Variants in KCNMB2 observed in about 807,000 individuals in gnomAD.
KCNMB2 encodes calcium-activated potassium channel subunit beta-2.
In KCNMB2, 9 loss-of-function variants were observed where a neutral mutation model predicts 24.5. The ratio of observed to expected loss-of-function variants is 0.37; its 90% CI spans 0.22 to 0.64. KCNMB2 has a LOEUF of 0.64. KCNMB2 is among the 30% of genes least tolerant of loss of function. KCNMB2 has a pLI of 0.63. For missense variants in KCNMB2, 226 were observed against 284.3 expected, an observed-to-expected ratio of 0.79 and a Z score of 1.47; for synonymous variants, 109 against 104.4, an observed-to-expected ratio of 1.04 and a Z score of -0.27.
intron 1 of KCNMB2, among the ~76,000 whole-genome samples, chr3:178,582,146 T>C (rs904757467): frequency 6.6e-6 from 1 of 152,074 alleles, no homozygotes; most frequent in Non-Finnish European, 1.5e-5. Flanking sequence ...ATAAAGAAAA[T>C]GTGGCACATA....
intron 1 of KCNMB2, among the ~76,000 whole-genome samples, chr3:178,637,216 AC>A (rs1719559508): frequency 6.6e-6 from 1 of 152,126 alleles, no homozygotes; most frequent in African/African-American, 2.4e-5. Flanking sequence ...TTGAGTATGT[AC>A]CTAGTAATGG....
At chr3:178,635,782 G>A (rs1256659942) in intron 1 of KCNMB2, among the ~76,000 whole-genome samples, 1 of 152,138 alleles carries the variant, frequency 6.6e-6, no homozygotes, top group Non-Finnish European at 1.5e-5. Flanking sequence ...TTATATTTGG[G>A]CATGAAATTA....
chr3:178,757,795 T>TATATATA (rs1724191602), intron 1 of KCNMB2, among the ~76,000 whole-genome samples: 1 of 46,222 alleles, frequency 2.2e-5, no homozygotes, highest in African/African-American at 8.8e-5. Flanking sequence ...TACATATATC[T>TATATATA]TATATCCATC....
intron 3 of KCNMB2, 24 bp downstream of exon 3, chr3:178,825,782 C>A (rs1418254290): frequency 1.9e-6 from 3 of 1,578,282 alleles, no homozygotes; most frequent in Non-Finnish European, 2.6e-6. Context: ...GTGGGTGGGA[C>A]CCTGCTGTTT....
chr3:178,837,808 G>A (rs1715286643), intron 4 of KCNMB2, among the ~76,000 whole-genome samples: 1 of 152,030 alleles, frequency 6.6e-6, no homozygotes, highest in Non-Finnish European at 1.5e-5. Context: ...GTTCTCAGTG[G>A]TAGTTTATAT....
intron 1 of KCNMB2, among the ~76,000 whole-genome samples, chr3:178,608,483 A>G (rs1051925570): frequency 3.3e-5 from 5 of 152,226 alleles, no homozygotes; most frequent in African/African-American, 1.2e-4. Flanking sequence ...AAGCACAATA[A>G]TAGAGAATGG....
At chr3:178,798,921 A>G (rs576746301) in intron 1 of KCNMB2, among the ~76,000 whole-genome samples, 2 of 152,152 alleles carry the variant, frequency 1.3e-5, no homozygotes, top group East Asian at 3.9e-4. Flanking sequence ...AAAATAAACA[A>G]TGTGATGTTG....
intron 4 of KCNMB2, among the ~76,000 whole-genome samples, chr3:178,836,949 T>C (rs1715255975): frequency 6.6e-6 from 1 of 152,158 alleles, no homozygotes; most frequent in Admixed American, 6.5e-5. Flanking sequence ...AAATACCCTC[T>C]GAACACATGA....
chr3:178,807,389 C>A lies in KCNMB2; in HGVS notation c.-21C>A. ...GACATCCACCATAAGGAAAGGAGAC[C>A]CTGGACCAACATTCTCTAAGATGTT... On this transcript the variant is annotated 5_prime_UTR_variant, in exon 2 of 5. Coordinates refer to ENST00000452583, the MANE Select transcript of KCNMB2 (RefSeq NM_181361.3). The A allele has an allele frequency of 6.2e-7, 1 of 1,610,802 alleles. No individual in the cohort carries two copies.
At chr3:178,663,929 A>T (rs1432337575) in intron 1 of KCNMB2, among the ~76,000 whole-genome samples, 1 of 152,138 alleles carries the variant, frequency 6.6e-6, no homozygotes, top group Non-Finnish European at 1.5e-5. Flanking sequence ...ACTGTGGCAC[A>T]AGTTTGAAAG....
chr3:178,588,650 T>C (rs1397178371), intron 1 of KCNMB2, among the ~76,000 whole-genome samples: 2 of 152,156 alleles, frequency 1.3e-5, no homozygotes, highest in East Asian at 1.9e-4. Flanking sequence ...CATATGTATA[T>C]ATGAGTGGAT....
intron 1 of KCNMB2, among the ~76,000 whole-genome samples, chr3:178,802,141 C>T (rs1288431896): frequency 2.6e-5 from 4 of 152,152 alleles, no homozygotes; most frequent in Non-Finnish European, 5.9e-5. Context: ...GAAGCCAAAA[C>T]AACTCAGTTC....
chr3:178,807,409 G>C lies in KCNMB2; in HGVS notation c.-1G>C, dbSNP rs747577912. 6.2e-7 allele frequency: 1 copy of C among 1,613,336 alleles called. No individual in the cohort carries two copies. Among genetic ancestry groups the C allele is most frequent in the Admixed American group, 1.7e-5 (1 of 59,966 alleles). ...GAGACCCTGGACCAACATTCTCTAA[G>C]ATGTTTATATGGACCAGTGGCCGGA... On this transcript the variant is annotated 5_prime_UTR_variant, in exon 2 of 5. Transcript: ENST00000452583.
At chr3:178,800,389 A>G (rs940010321) in intron 1 of KCNMB2, among the ~76,000 whole-genome samples, 3 of 152,202 alleles carry the variant, frequency 2.0e-5, no homozygotes, top group African/African-American at 4.8e-5. Context: ...GACATTTCTC[A>G]ATAGACATAC....
intron 3 of KCNMB2, among the ~76,000 whole-genome samples, chr3:178,827,779 G>C (rs1474524141): frequency 1.3e-5 from 2 of 152,144 alleles, no homozygotes; most frequent in Non-Finnish European, 2.9e-5. Context: ...CTGGGATGCA[G>C]AAAGTACAAA....
rs111672480 is a variant in KCNMB2, at chr3:178,840,368, C to T, written c.424-2285C>T. Among the ~76,000 whole-genome samples the T allele has an allele frequency of 6.9e-3, 1,044 of 152,274 alleles. 19 individuals carry two copies. The highest frequency in any genetic ancestry group is 0.024 in the African/African-American group (1,000 of 41,562). On this transcript the variant is annotated intron_variant, in intron 4 of 4. Coordinates refer to ENST00000452583, the MANE Select transcript of KCNMB2 (RefSeq NM_181361.3). Reference sequence around the variant, plus strand: ...TTTCTAGGCACACAGTGCAAGCTGTCGGTGGATCTATCCTTCTGGGGTCTG... The same window carrying T: ...TTTCTAGGCACACAGTGCAAGCTGTTGGTGGATCTATCCTTCTGGGGTCTG...
At chr3:178,556,683 GTGTAAGC>G (rs1305600588) in intron 1 of KCNMB2, among the ~76,000 whole-genome samples, 4 of 152,168 alleles carry the variant, frequency 2.6e-5, no homozygotes, top group Non-Finnish European at 4.4e-5. Context: ...GGGATTACAG[GTGTAAGC>G]CACCTCGCCC....
chr3:178,566,650 A>T (rs1716532627), intron 1 of KCNMB2, among the ~76,000 whole-genome samples: 1 of 139,630 alleles, frequency 7.2e-6, no homozygotes, highest in South Asian at 2.4e-4. Flanking sequence ...TATTAATTTA[A>T]TTTTTTAAAT....
chr3:178,589,442 T>C (rs1179866025), intron 1 of KCNMB2, among the ~76,000 whole-genome samples: 1 of 152,200 alleles, frequency 6.6e-6, no homozygotes. Context: ...GTTTTGGTTT[T>C]TTCCTTGGGG....
Sources: gnomAD v4.1 joint callset for allele counts (sites outside exome capture counted in the v4.1 genomes callset) on GRCh38, gnomAD v4.1.1 for gene constraint, MANE v1.5 for transcripts, NCBI Gene and HGNC (gene_info 2026-07-23, HGNC 2026-07-21) for gene names.